Variants in AGPAT5 observed in about 807,000 individuals in gnomAD.
The protein encoded by AGPAT5 is 1-acylglycerol-3-phosphate O-acyltransferase 5.
In AGPAT5, 46 loss-of-function variants were observed where a neutral mutation model predicts 45.6. The observed-to-expected ratio is 1.01, with a 90% confidence interval of 0.80 to 1.29. The LOEUF is 1.29. Among genes scored for constraint, AGPAT5 ranks in the 50% most tolerant of loss-of-function variants. AGPAT5 has a pLI of 0.00. For synonymous variants in AGPAT5, 272 were observed against 167.0 expected (o/e 1.63, Z -4.85); for missense variants, 673 against 450.7 (o/e 1.49, Z -4.47).
intron 1 of AGPAT5, among the ~76,000 whole-genome samples, chr8:6,715,455 A>T (rs1800290602): frequency 6.6e-6 from 1 of 152,200 alleles, no homozygotes. Flanking sequence ...TGGGTTAGTA[A>T]CACACTCAGT....
intron 1 of AGPAT5, among the ~76,000 whole-genome samples, chr8:6,710,617 A>G (rs1475807787): frequency 2.0e-5 from 3 of 152,184 alleles, no homozygotes; most frequent in Non-Finnish European, 2.9e-5. Context: ...GAGGGGACAA[A>G]TAATTATTTT....
Position 6,708,722 on chromosome 8 carries a change from C to A in AGPAT5, c.54C>A (p.Ser18Arg). 6.2e-7 allele frequency: 1 copy of A among 1,606,746 alleles called. No homozygotes were observed. The highest frequency in any genetic ancestry group is 1.1e-5 in the South Asian group (1 of 90,952). Residue 18 changes from serine to arginine, a missense_variant, in exon 1 of 8, where the codon AGC (serine) becomes AGA (arginine). Transcript: ENST00000285518. ...HTYSMRYLLP[S>R]VVLLGTAPTY... ...ACTCCATGCGCTACCTGCTGCCCAG[C>A]GTCGTGCTCCTGGGCACGGCGCCCA...
chr8:6,724,532 C>G (rs1800617451), intron 1 of AGPAT5, among the ~76,000 whole-genome samples: 1 of 152,120 alleles, frequency 6.6e-6, no homozygotes. Context: ...ACATGTCTGT[C>G]TCTTTTACTA....
At position 6,761,082 on chromosome 8, in the gene AGPAT5, A is replaced by C. The variant is rs777991953; in HGVS notation, c.*3694A>C. On this transcript the variant is annotated 3_prime_UTR_variant, in exon 8 of 8. Coordinates refer to ENST00000285518, the MANE Select transcript of AGPAT5 (RefSeq NM_018361.5). ...GGTCAAAGACATATACCTTGTTATT[A>C]TAATATGTATACTATAATAATAGCT... Among the ~76,000 whole-genome samples the C allele has an allele frequency of 6.6e-6, 1 of 152,234 alleles. No homozygotes were observed. Among genetic ancestry groups the C allele is most frequent in the Non-Finnish European group, 1.5e-5 (1 of 68,046 alleles).
chr8:6,709,367 A>G (rs1800062639), intron 1 of AGPAT5: 2 of 168,822 alleles, frequency 1.2e-5, no homozygotes, highest in Non-Finnish European at 2.6e-5. Flanking sequence ...AAATGAATAC[A>G]TTTGTTAACC....
At chr8:6,726,967 A>G (rs141287688) in intron 2 of AGPAT5, among the ~76,000 whole-genome samples, 10 of 152,340 alleles carry the variant, frequency 6.6e-5, no homozygotes, top group African/African-American at 2.4e-4. Flanking sequence ...AAATGTGCAT[A>G]TAAAAATTTG....
chr8:6,715,498 T>G (rs1199084538), intron 1 of AGPAT5, among the ~76,000 whole-genome samples: 1 of 152,236 alleles, frequency 6.6e-6, no homozygotes, highest in South Asian at 2.1e-4. Context: ...GTGCAAGTAT[T>G]GTTCTATTAT....
chr8:6,715,517 T>G (rs1461828498), intron 1 of AGPAT5, among the ~76,000 whole-genome samples: 1 of 152,214 alleles, frequency 6.6e-6, no homozygotes, highest in Admixed American at 6.5e-5. Context: ...ATGTAAATAA[T>G]TCCATCTTTA....
At chr8:6,719,226 A>AT (rs1442224792) in intron 1 of AGPAT5, among the ~76,000 whole-genome samples, 4 of 152,172 alleles carry the variant, frequency 2.6e-5, no homozygotes, top group African/African-American at 7.2e-5. Context: ...ACTAGAAAGA[A>AT]TTTTTTTGCA....
At chr8:6,721,487 G>T (rs1800495731) in intron 1 of AGPAT5, among the ~76,000 whole-genome samples, 1 of 152,184 alleles carries the variant, frequency 6.6e-6, no homozygotes, top group South Asian at 2.1e-4. Flanking sequence ...TGTTCTAGGT[G>T]TTGTATGAAG....
In AGPAT5 at chr8:6,759,548, C is replaced by G. The variant is rs1311102206; in HGVS notation, c.*2160C>G. On this transcript the variant is annotated 3_prime_UTR_variant, in exon 8 of 8. Coordinates refer to ENST00000285518, the MANE Select transcript of AGPAT5 (RefSeq NM_018361.5). ...TGTTTGTATTATTACTGATTTACAG[C>G]TTAGTTATTAATTTTTCTTTATAAG... The G allele has an allele frequency of 2.0e-5, 3 of 151,998 alleles. No homozygotes were observed. Among genetic ancestry groups the G allele is most frequent in the African/African-American group, 7.3e-5 (3 of 41,366 alleles). 9.4% of individuals were successfully genotyped at this position (151,998 alleles called of 1,614,324 possible).
chr8:6,750,155 T>C (rs1801612707), intron 6 of AGPAT5, among the ~76,000 whole-genome samples: 1 of 152,236 alleles, frequency 6.6e-6, no homozygotes, highest in Non-Finnish European at 1.5e-5. Flanking sequence ...CTGTGCCTTC[T>C]CCTGCCCCTG....
At chr8:6,738,826 CTTAAT>C (rs1396848916) in intron 4 of AGPAT5, among the ~76,000 whole-genome samples, 1 of 151,520 alleles carries the variant, frequency 6.6e-6, no homozygotes, top group Non-Finnish European at 1.5e-5. Flanking sequence ...TACTTTTAAG[CTTAAT>C]TTATTGATTT....
At chr8:6,756,008 C>G (rs1023595639) in intron 7 of AGPAT5, among the ~76,000 whole-genome samples, 2 of 152,114 alleles carry the variant, frequency 1.3e-5, no homozygotes, top group African/African-American at 4.8e-5. Context: ...ATTTAATGTC[C>G]TACTTATTTT....
At chr8:6,710,567 C>T (rs967392422) in intron 1 of AGPAT5, among the ~76,000 whole-genome samples, 1 of 152,108 alleles carries the variant, frequency 6.6e-6, no homozygotes, top group Non-Finnish European at 1.5e-5. Flanking sequence ...AATTTAAAAC[C>T]AAGAGTTTCT....
intron 6 of AGPAT5, among the ~76,000 whole-genome samples, chr8:6,748,494 G>A (rs190612523): frequency 2.0e-5 from 3 of 152,014 alleles, no homozygotes; most frequent in Non-Finnish European, 4.4e-5. Context: ...GGCTTCATGG[G>A]GTTTTTTTGT....
intron 2 of AGPAT5, among the ~76,000 whole-genome samples, chr8:6,730,190 G>A (rs1231768550): frequency 2.5e-4 from 37 of 149,888 alleles, no homozygotes; most frequent in Admixed American, 2.1e-3. Flanking sequence ...TTTTGTGACT[G>A]TATTTTATCT....
chr8:6,742,060 G>C (rs1013088113), intron 5 of AGPAT5, among the ~76,000 whole-genome samples: 5 of 152,152 alleles, frequency 3.3e-5, no homozygotes, highest in African/African-American at 1.2e-4. Flanking sequence ...TACAGTGTAT[G>C]GGTTATATGT....
chr8:6,713,273 A>G (rs1194031248), intron 1 of AGPAT5, among the ~76,000 whole-genome samples: 2 of 152,162 alleles, frequency 1.3e-5, no homozygotes, highest in African/African-American at 4.8e-5. Context: ...CCTAGCCCCT[A>G]ATAAATATTC....
Sources: gnomAD v4.1 joint callset for allele counts (sites outside exome capture counted in the v4.1 genomes callset) on GRCh38, gnomAD v4.1.1 for gene constraint, MANE v1.5 for transcripts, NCBI Gene and HGNC (gene_info 2026-07-23, HGNC 2026-07-21) for gene names.